Variants in SDCCAG8 observed in about 807,000 individuals in gnomAD.
SDCCAG8 encodes serologically defined colon cancer antigen 8.
SDCCAG8 carries 74 observed loss-of-function variants against 101.8 expected under a neutral mutation model. That is an observed-to-expected ratio of 0.73 (90% CI 0.60 to 0.88). The LOEUF is 0.88. Among genes scored for constraint, SDCCAG8 ranks in the 40% least tolerant of loss-of-function variants. The probability of loss-of-function intolerance (pLI) is 0.00; values close to 1 mark genes in which losing one functional copy is unlikely to be tolerated. For missense variants in SDCCAG8, 787 were observed against 822.6 expected (o/e 0.96, Z 0.53); for synonymous variants, 281 against 292.9 (o/e 0.96, Z 0.41).
chr1:243,285,658 C>T (rs985113818), intron 4 of SDCCAG8, among the ~76,000 whole-genome samples: 9 of 152,126 alleles, frequency 5.9e-5, no homozygotes, highest in African/African-American at 1.9e-4. Flanking sequence ...CACTCAATAG[C>T]TATTCTAATG....
chr1:243,292,188 A>G (rs988587838), intron 5 of SDCCAG8, among the ~76,000 whole-genome samples: 1 of 152,166 alleles, frequency 6.6e-6, no homozygotes, highest in African/African-American at 2.4e-5. Flanking sequence ...GTTTTATTAC[A>G]TAGGCATGAT....
chr1:243,258,601 C>T (rs1290517822), intron 1 of SDCCAG8, among the ~76,000 whole-genome samples: 4 of 152,094 alleles, frequency 2.6e-5, no homozygotes, highest in Admixed American at 6.6e-5. Flanking sequence ...GACTGGGTTT[C>T]GCCATGTTGG....
chr1:243,439,622 T>TCACTCA (rs2082391744), intron 16 of SDCCAG8, among the ~76,000 whole-genome samples: 1 of 120,146 alleles, frequency 8.3e-6, no homozygotes, highest in African/African-American at 3.3e-5. Flanking sequence ...TGAGACTCCA[T>TCACTCA]CACACACACA....
intron 4 of SDCCAG8, among the ~76,000 whole-genome samples, chr1:243,279,719 A>G (rs2068870696): frequency 6.6e-6 from 1 of 152,214 alleles, no homozygotes; most frequent in Non-Finnish European, 1.5e-5. Flanking sequence ...TGATCCTCAA[A>G]TGTCGAACCA....
At chr1:243,295,748 T>C (rs886151689) in intron 6 of SDCCAG8, among the ~76,000 whole-genome samples, 35 of 152,344 alleles carry the variant, frequency 2.3e-4, no homozygotes, top group African/African-American at 8.2e-4. Flanking sequence ...CGCCCTCTCA[T>C]TCTGCTTTCC....
intron 8 of SDCCAG8, among the ~76,000 whole-genome samples, chr1:243,312,540 C>G (rs1558276859): frequency 6.6e-6 from 1 of 152,042 alleles, no homozygotes; most frequent in African/African-American, 2.4e-5. Flanking sequence ...AACCCCATCT[C>G]TACTAAAAAT....
intron 15 of SDCCAG8, among the ~76,000 whole-genome samples, chr1:243,423,145 AAAC>A (rs1367061453): frequency 6.6e-6 from 1 of 152,170 alleles, no homozygotes. Flanking sequence ...ACAAAGAAAA[AAAC>A]AAAAATGTGA....
chr1:243,334,262 T>C (rs2074839047), intron 10 of SDCCAG8, among the ~76,000 whole-genome samples: 1 of 152,208 alleles, frequency 6.6e-6, no homozygotes, highest in Non-Finnish European at 1.5e-5. Context: ...TTCTCCAAAC[T>C]GCAGCTGGGA....
Position 243,494,577 on chromosome 1 carries a change from G to A in SDCCAG8, c.2113-5179G>A, listed in dbSNP as rs538761366. Among the ~76,000 whole-genome samples the A allele has an allele frequency of 6.6e-4, 101 of 152,224 alleles. No individual in the cohort carries two copies. The South Asian group carries it at 8.3e-3, about 12-fold the overall frequency. ...TTTTTGTTTTTTGACTGAGCGCCCC[G>A]TGTATAATTAATATTGAAAAGCGCA... is the stretch of plus-strand genomic sequence containing the variant. On this transcript the variant is annotated intron_variant, in intron 17 of 17. Transcript: ENST00000366541.
At chr1:243,270,389 T>G in intron 2 of SDCCAG8, 132 bp downstream of exon 2, 1 of 964,306 alleles carries the variant, frequency 1.0e-6, no homozygotes, top group Non-Finnish European at 1.6e-6. Flanking sequence ...GATAATTTAA[T>G]TCCCTCGCTT....
At chr1:243,459,205 G>A (rs1475772037) in intron 16 of SDCCAG8, among the ~76,000 whole-genome samples, 1 of 152,156 alleles carries the variant, frequency 6.6e-6, no homozygotes, top group Non-Finnish European at 1.5e-5. Flanking sequence ...GTCTTTCAAG[G>A]TTTCTTCCAA....
intron 9 of SDCCAG8, 126 bp downstream of exon 9, chr1:243,317,019 C>T: frequency 1.0e-6 from 1 of 993,918 alleles, no homozygotes; most frequent in South Asian, 1.6e-5. Context: ...AATTATCAAT[C>T]TGTTAATGTT....
chr1:243,363,125 G>C (rs780663316), intron 12 of SDCCAG8, among the ~76,000 whole-genome samples: 7 of 152,140 alleles, frequency 4.6e-5, no homozygotes, highest in Non-Finnish European at 1.0e-4. Flanking sequence ...AAATAGTATA[G>C]CACAGAGAGC....
At chr1:243,294,871 C>G (rs1466890359) in intron 6 of SDCCAG8, among the ~76,000 whole-genome samples, 2 of 152,032 alleles carry the variant, frequency 1.3e-5, no homozygotes, top group Non-Finnish European at 2.9e-5. Flanking sequence ...CAGAGTTGAT[C>G]AACAATGATG....
At chr1:243,428,856 G>A (rs2081520655) in intron 16 of SDCCAG8, among the ~76,000 whole-genome samples, 1 of 152,180 alleles carries the variant, frequency 6.6e-6, no homozygotes, top group Non-Finnish European at 1.5e-5. Context: ...TTGCTATTGC[G>A]AGGAGCTCAA....
chr1:243,492,368 C>A (rs1024940268), intron 17 of SDCCAG8, among the ~76,000 whole-genome samples: 1 of 118,112 alleles, frequency 8.5e-6, no homozygotes, highest in Non-Finnish European at 1.6e-5. Context: ...GTGGTGCAAT[C>A]TCTGCTCACT....
intron 11 of SDCCAG8, 146 bp downstream of exon 11, chr1:243,341,319 C>T (rs2075370662): frequency 1.3e-6 from 1 of 782,736 alleles, no homozygotes; most frequent in Non-Finnish European, 2.0e-6. Context: ...AAAAGGCCAC[C>T]TAATGGTTAC....
chr1:243,363,617 G>C (rs2076839218), intron 12 of SDCCAG8, among the ~76,000 whole-genome samples: 1 of 152,016 alleles, frequency 6.6e-6, no homozygotes, highest in African/African-American at 2.4e-5. Flanking sequence ...TCATTCTATT[G>C]ACTTACTCTC....
chr1:243,348,460 C>T (rs1393032587), intron 12 of SDCCAG8, among the ~76,000 whole-genome samples: 1 of 151,854 alleles, frequency 6.6e-6, no homozygotes, highest in Middle Eastern at 3.2e-3. Flanking sequence ...GCAAAAGACA[C>T]AGGAGAACAC....
Sources: allele counts gnomAD v4.1 joint callset (sites outside exome capture counted in the v4.1 genomes callset), GRCh38; gene constraint gnomAD v4.1.1; transcripts MANE v1.5; gene names NCBI Gene and HGNC (gene_info 2026-07-23, HGNC 2026-07-21).